Variants in STX18 observed in about 807,000 individuals in gnomAD.
The protein encoded by STX18 is syntaxin 18, also known as syntaxin-18.
In STX18, 40 loss-of-function variants were observed where a neutral mutation model predicts 50.1. The ratio of observed to expected loss-of-function variants is 0.80; its 90% CI spans 0.62 to 1.04. STX18 has a LOEUF of 1.04. STX18 is among the 50% of genes least tolerant of loss of function. The pLI is 0.00. For missense variants in STX18, 410 were observed against 415.8 expected (o/e 0.99, Z 0.12); for synonymous variants, 158 against 151.8 (o/e 1.04, Z -0.30).
At position 4,537,039 on chromosome 4, in the gene STX18, T is replaced by A. The variant is rs115166037; in HGVS notation, c.168+4758A>T. On this transcript the variant is annotated intron_variant, in intron 1 of 10. Transcript: ENST00000306200. ...TAGAACATGGGTTCCTGCTTTCCTG[T>A]GCGGTGCTCTTCAGTAGCCCCTGCT... Among the ~76,000 whole-genome samples the A allele has an allele frequency of 2.8e-3, 433 of 152,346 alleles. 3 individuals carry two copies. The highest frequency in any genetic ancestry group is 0.01 in the African/African-American group (419 of 41,580).
intron 1 of STX18, among the ~76,000 whole-genome samples, chr4:4,474,156 T>G (rs1243267217): frequency 6.6e-6 from 1 of 152,096 alleles, no homozygotes; most frequent in African/African-American, 2.4e-5. Context: ...CTCCTCATAC[T>G]CACCCTACAC....
At chr4:4,528,346 G>A (rs1044912775) in intron 1 of STX18, among the ~76,000 whole-genome samples, 21 of 152,048 alleles carry the variant, frequency 1.4e-4, no homozygotes, top group African/African-American at 4.6e-4. Context: ...ATGGCTTAGC[G>A]CTGTCCCCTT....
At chr4:4,435,103 GTTTCAGT>G in intron 6 of STX18, among the ~76,000 whole-genome samples, 1 of 152,224 alleles carries the variant, frequency 6.6e-6, no homozygotes, top group East Asian at 1.9e-4. Flanking sequence ...CCTATGCACG[GTTTCAGT>G]ATCGCACTGA....
chr4:4,484,741 A>C (rs992841610), intron 1 of STX18, among the ~76,000 whole-genome samples: 1 of 152,168 alleles, frequency 6.6e-6, no homozygotes. Context: ...CCTGCCTAAC[A>C]ACCCAATCCA....
intron 1 of STX18, among the ~76,000 whole-genome samples, chr4:4,519,742 T>C (rs916767981): frequency 7.9e-5 from 12 of 152,198 alleles, no homozygotes; most frequent in African/African-American, 2.7e-4. Context: ...TGTTTCCCCA[T>C]GGTAGAATTA....
At chr4:4,514,439 G>A (rs1174897208) in intron 1 of STX18, among the ~76,000 whole-genome samples, 1 of 151,928 alleles carries the variant, frequency 6.6e-6, no homozygotes, top group African/African-American at 2.4e-5. Context: ...TTTCGTTATG[G>A]CAAAAAAGAG....
At chr4:4,427,003 CTT>C (rs1470656689) in intron 7 of STX18, among the ~76,000 whole-genome samples, 1 of 152,204 alleles carries the variant, frequency 6.6e-6, no homozygotes, top group African/African-American at 2.4e-5. Flanking sequence ...ACTGAATCAC[CTT>C]CTCTTACTTT....
intron 1 of STX18, among the ~76,000 whole-genome samples, chr4:4,531,912 A>C (rs1247859045): frequency 6.6e-6 from 1 of 152,246 alleles, no homozygotes; most frequent in Non-Finnish European, 1.5e-5. Flanking sequence ...AATTTGAAAC[A>C]AATTTGGTAA....
chr4:4,464,578 C>A (rs1727529861), intron 2 of STX18, among the ~76,000 whole-genome samples: 1 of 152,182 alleles, frequency 6.6e-6, no homozygotes, highest in Non-Finnish European at 1.5e-5. Flanking sequence ...GCTCAAATGT[C>A]ACTTCTTTAA....
chr4:4,510,320 T>G (rs1729937991), intron 1 of STX18, among the ~76,000 whole-genome samples: 1 of 152,064 alleles, frequency 6.6e-6, no homozygotes, highest in Non-Finnish European at 1.5e-5. Flanking sequence ...CAAAGAAAGT[T>G]AAGAAAAAAA....
chr4:4,500,726 A>G (rs1395341547), intron 1 of STX18, among the ~76,000 whole-genome samples: 1 of 152,206 alleles, frequency 6.6e-6, no homozygotes, highest in Non-Finnish European at 1.5e-5. Flanking sequence ...GCTACATAAC[A>G]TTTCATTGCT....
chr4:4,493,016 T>C lies in STX18; in HGVS notation c.169-21310A>G, dbSNP rs568564853. Among the ~76,000 whole-genome samples the C allele has an allele frequency of 2.6e-5, 4 of 152,318 alleles. No individual in the cohort carries two copies. In the East Asian group the frequency reaches 7.7e-4, roughly 29 times the overall value. ...AAAGTTATTCACATTCTGATTCCAT[T>C]ATATTTTTAAAAACCCACTTATTTG... On this transcript the variant is annotated intron_variant, in intron 1 of 10. Transcript: ENST00000306200.
At chr4:4,519,872 C>T (rs1268915157) in intron 1 of STX18, among the ~76,000 whole-genome samples, 1 of 152,138 alleles carries the variant, frequency 6.6e-6, no homozygotes, top group African/African-American at 2.4e-5. Context: ...TGTAGCTGAT[C>T]GCAGCAGTTT....
chr4:4,475,471 CA>C (rs11296481), intron 1 of STX18, among the ~76,000 whole-genome samples: 53,089 of 144,424 alleles, frequency 0.37, 12,477 homozygotes, highest in African/African-American at 0.68. Context: ...TAAAAAAAAA[CA>C]AAAAAAAAAA....
At chr4:4,421,726 A>AAAAT (rs1724977289) in intron 9 of STX18, among the ~76,000 whole-genome samples, 1 of 152,244 alleles carries the variant, frequency 6.6e-6, no homozygotes, top group African/African-American at 2.4e-5. Flanking sequence ...AGTAAGCTTT[A>AAAAT]AAATGTATGT....
intron 1 of STX18, among the ~76,000 whole-genome samples, chr4:4,488,215 T>G (rs991105485): frequency 3.3e-5 from 5 of 152,108 alleles, no homozygotes; most frequent in Admixed American, 2.0e-4. Context: ...ACAAACAGGT[T>G]CTATCCAAAG....
At chr4:4,427,884 G>A (rs1218306631) in intron 7 of STX18, among the ~76,000 whole-genome samples, 1 of 152,236 alleles carries the variant, frequency 6.6e-6, no homozygotes, top group Non-Finnish European at 1.5e-5. Flanking sequence ...CCTAGAGGAA[G>A]AGAAGCAGGT....
At position 4,420,201 on chromosome 4, in the gene STX18, C is replaced by T; in HGVS notation, c.913-72G>A. 2 of 1,221,260 alleles carry T rather than the reference C, an allele frequency of 1.6e-6. No homozygotes were observed. The highest frequency in any genetic ancestry group is 2.3e-6 in the Non-Finnish European group (2 of 853,954). The allele number at this position is 1,221,260 out of a possible 1,614,324, so 75.7% of individuals were successfully genotyped here. The stretch of plus-strand genomic sequence containing the variant: ...GTTTGAGCAGCCCTGAAATGCCCCC[C>T]TCTTCCCACGTGCTCTCCTGATCCT... On this transcript the variant is annotated intron_variant, in intron 10 of 10. Coordinates refer to ENST00000306200, the MANE Select transcript of STX18 (RefSeq NM_016930.4). The surrounding 1 kb of genome is among the most constrained non-coding windows in gnomAD (Gnocchi z 4.3).
chr4:4,486,011 C>T (rs773450830), intron 1 of STX18, among the ~76,000 whole-genome samples: 3 of 152,138 alleles, frequency 2.0e-5, no homozygotes, highest in East Asian at 1.9e-4. Flanking sequence ...AGGCAGAGGG[C>T]GGGGACAGCG....
Sources: allele counts gnomAD v4.1 joint callset (sites outside exome capture counted in the v4.1 genomes callset), GRCh38; gene constraint gnomAD v4.1.1; non-coding constraint Gnocchi (gnomAD v3.1); transcripts MANE v1.5; gene names NCBI Gene and HGNC (gene_info 2026-07-23, HGNC 2026-07-21).